The following SLC24A3 variants were observed in gnomAD, a reference collection of about 807,000 sequenced individuals.
SLC24A3 encodes the protein solute carrier family 24 member 3, also known as sodium/potassium/calcium exchanger 3.
In SLC24A3, 28 loss-of-function variants were observed where a neutral mutation model predicts 75.8. That is an observed-to-expected ratio of 0.37 (90% CI 0.27 to 0.51). SLC24A3 has a LOEUF of 0.51. SLC24A3 is among the 20% of genes least tolerant of loss of function. The probability of loss-of-function intolerance (pLI) is 0.94; values close to 1 mark genes in which losing one functional copy is unlikely to be tolerated. For missense variants in SLC24A3, 663 were observed against 847.8 expected (o/e 0.78, Z 2.71); for synonymous variants, 372 against 334.1 (o/e 1.11, Z -1.24).
intron 12 of SLC24A3, among the ~76,000 whole-genome samples, chr20:19,691,240 A>C (rs1335730336): frequency 6.6e-6 from 1 of 152,248 alleles, no homozygotes; most frequent in Non-Finnish European, 1.5e-5. Flanking sequence ...ATTTAGATTT[A>C]TCTGAGGGCT....
chr20:19,408,730 G>A lies in SLC24A3; in HGVS notation c.272-106758G>A, dbSNP rs553356417. ...GATGACCATCCTTGTGCCAAAATTG[G>A]TGTCTCCATTTTTGTCTATGTCATT... On this transcript the variant is annotated intron_variant, in intron 2 of 16. Transcript: ENST00000328041. 8.5e-5 allele frequency among the ~76,000 whole-genome samples: 13 copies of A among 152,230 alleles called. 1 individual carries two copies. The East Asian group carries it at 1.9e-3, about 23-fold the overall frequency.
intron 2 of SLC24A3, among the ~76,000 whole-genome samples, chr20:19,295,809 T>A (rs1248206477): frequency 7.1e-6 from 1 of 141,762 alleles, no homozygotes; most frequent in Admixed American, 7.0e-5. Flanking sequence ...TGGCCTTAAG[T>A]TTTTTTTTTT....
chr20:19,266,245 C>A (rs1186085560), intron 1 of SLC24A3, among the ~76,000 whole-genome samples: 1 of 152,146 alleles, frequency 6.6e-6, no homozygotes, highest in Non-Finnish European at 1.5e-5. Context: ...TGTTTGAAGG[C>A]ACATTTCTTA....
chr20:19,698,529 GTTCCC>G (rs1361170663), intron 14 of SLC24A3, 34 bp from the exon 15 acceptor site: 1 of 1,520,274 alleles, frequency 6.6e-7, no homozygotes, highest in East Asian at 2.4e-5. Context: ...GGGCCCCTGG[GTTCCC>G]TTCCCTCTCT....
rs907538720 is a variant in SLC24A3 at position 19,396,823 on chromosome 20, GA to G, written c.271+115745del. ...TGTCAAATCACGGTAATTAGTGCCAGAAAAAAAAATGTGTCAAAGCATGCAT... is the reference window on the plus strand; with the variant it reads ...TGTCAAATCACGGTAATTAGTGCCAGAAAAAAAATGTGTCAAAGCATGCAT... On this transcript the variant is annotated intron_variant, in intron 2 of 16. Transcript: ENST00000328041. Among the ~76,000 whole-genome samples the G allele has an allele frequency of 7.9e-5, 12 of 151,410 alleles. No homozygotes were observed. In the East Asian group the frequency reaches 1.9e-3, roughly 24 times the overall value.
At chr20:19,467,732 T>G (rs1987792196) in intron 2 of SLC24A3, among the ~76,000 whole-genome samples, 1 of 151,940 alleles carries the variant, frequency 6.6e-6, no homozygotes, top group South Asian at 2.1e-4. Context: ...AATACAAAAA[T>G]TAGCTGGGCG....
At chr20:19,426,895 T>C (rs529406733) in intron 2 of SLC24A3, among the ~76,000 whole-genome samples, 2 of 150,570 alleles carry the variant, frequency 1.3e-5, no homozygotes, top group African/African-American at 4.8e-5. Context: ...TGGCCCTTGA[T>C]TGGACATGAG....
chr20:19,274,684 A>G (rs531477294), intron 1 of SLC24A3, among the ~76,000 whole-genome samples: 1 of 152,254 alleles, frequency 6.6e-6, no homozygotes, highest in East Asian at 1.9e-4. Context: ...CTCTTCATCC[A>G]CAGAGGGTGA....
At chr20:19,569,328 T>C (rs2031012440) in intron 3 of SLC24A3, among the ~76,000 whole-genome samples, 1 of 152,212 alleles carries the variant, frequency 6.6e-6, no homozygotes, top group Non-Finnish European at 1.5e-5. Flanking sequence ...CCTTAGTACA[T>C]CGGCAGTGAG....
At chr20:19,258,100 C>A (rs73899690) in intron 1 of SLC24A3, among the ~76,000 whole-genome samples, 10 of 152,360 alleles carry the variant, frequency 6.6e-5, no homozygotes, top group African/African-American at 2.2e-4. Flanking sequence ...GTTTGGAATG[C>A]CGTTCCTAAA....
At chr20:19,424,865 A>C (rs1244388875) in intron 2 of SLC24A3, among the ~76,000 whole-genome samples, 1 of 152,022 alleles carries the variant, frequency 6.6e-6, no homozygotes, top group Non-Finnish European at 1.5e-5. Context: ...AATATATTGA[A>C]CGTATTATTT....
At chr20:19,364,548 C>T (rs576932561) in intron 2 of SLC24A3, among the ~76,000 whole-genome samples, 37 of 152,168 alleles carry the variant, frequency 2.4e-4, no homozygotes, top group African/African-American at 7.2e-4. Context: ...ATCAAACTCC[C>T]GGGCTCAGTT....
At chr20:19,487,488 CA>C (rs1483639624) in intron 2 of SLC24A3, among the ~76,000 whole-genome samples, 1 of 152,136 alleles carries the variant, frequency 6.6e-6, no homozygotes, top group Non-Finnish European at 1.5e-5. Context: ...TACAGATTTC[CA>C]TAGCAAAATG....
intron 6 of SLC24A3, among the ~76,000 whole-genome samples, chr20:19,612,091 G>C (rs151290756): frequency 6.6e-6 from 1 of 152,088 alleles, no homozygotes; most frequent in African/African-American, 2.4e-5. Context: ...CTAGCCACCC[G>C]TCCCTAGTTG....
chr20:19,685,294 G>C lies in SLC24A3; in HGVS notation c.1257G>C (p.Glu419Asp). 1.9e-6 allele frequency: 3 copies of C among 1,614,100 alleles called. No individual in the cohort carries two copies. Among genetic ancestry groups the C allele is most frequent in the Non-Finnish European group, 2.5e-6 (3 of 1,180,000 alleles). ...CAGAGAATGAAAATGAGGACAATGA[G>C]AATGATGAGGAGGAAGAGGAGGACG... is the stretch of plus-strand genomic sequence containing the variant. ...NETENENEDN[E>D]NDEEEEEDED... Residue 419 changes from glutamate to aspartate, a missense_variant, in exon 12 of 17, where the codon GAG becomes GAC. Glu to Asp is a conservative substitution (Grantham distance 45, BLOSUM62 2). Coordinates refer to ENST00000328041, the MANE Select transcript of SLC24A3 (RefSeq NM_020689.4).
At chr20:19,361,965 T>A (rs1240450423) in intron 2 of SLC24A3, among the ~76,000 whole-genome samples, 1 of 152,226 alleles carries the variant, frequency 6.6e-6, no homozygotes, top group Non-Finnish European at 1.5e-5. Context: ...AGAATGCCTC[T>A]CAGTCGTATC....
At chr20:19,454,435 T>C (rs1987544348) in intron 2 of SLC24A3, among the ~76,000 whole-genome samples, 1 of 152,252 alleles carries the variant, frequency 6.6e-6, no homozygotes. Flanking sequence ...GAATCTGTTA[T>C]GCTATCATTT....
At chr20:19,481,349 C>G (rs879284062) in intron 2 of SLC24A3, among the ~76,000 whole-genome samples, 4 of 152,108 alleles carry the variant, frequency 2.6e-5, no homozygotes, top group Non-Finnish European at 5.9e-5. Context: ...TTTATACAGC[C>G]CTGTGAAGTG....
At chr20:19,556,223 C>T (rs1215539105) in intron 3 of SLC24A3, among the ~76,000 whole-genome samples, 1 of 152,126 alleles carries the variant, frequency 6.6e-6, no homozygotes, top group Non-Finnish European at 1.5e-5. Flanking sequence ...GGGACATACA[C>T]ATTCAGACCA....
Sources: gnomAD v4.1 joint callset for allele counts (sites outside exome capture counted in the v4.1 genomes callset) on GRCh38, gnomAD v4.1.1 for gene constraint, MANE v1.5 for transcripts, NCBI Gene and HGNC (gene_info 2026-07-23, HGNC 2026-07-21) for gene names.